EXTL1: variants seen among roughly 807,000 people sequenced by gnomAD.
The protein encoded by EXTL1 is exostosin like glycosyltransferase 1.
EXTL1 carries 43 observed loss-of-function variants against 64.6 expected under a neutral mutation model. That is an observed-to-expected ratio of 0.67 (90% CI 0.52 to 0.86). The LOEUF (loss-of-function observed/expected upper bound fraction) is 0.86, where lower values mean the gene tolerates loss of function less well. Ranked by LOEUF, EXTL1 falls within the 40% of genes least tolerant of loss-of-function variation. The probability of loss-of-function intolerance (pLI) is 0.00; values close to 1 mark genes in which losing one functional copy is unlikely to be tolerated. For missense variants in EXTL1, 766 were observed against 879.0 expected (o/e 0.87, Z 1.62); for synonymous variants, 352 against 360.5 (o/e 0.98, Z 0.27).
intron 1 of EXTL1, among the ~76,000 whole-genome samples, chr1:26,024,897 A>G (rs1431226185): frequency 6.6e-6 from 1 of 152,226 alleles, no homozygotes; most frequent in Non-Finnish European, 1.5e-5. Context: ...TTCTTTGAGA[A>G]ACTGGAAGTT....
chr1:26,027,347 C>T (rs1436386852), intron 1 of EXTL1, among the ~76,000 whole-genome samples: 1 of 152,190 alleles, frequency 6.6e-6, no homozygotes, highest in African/African-American at 2.4e-5. Context: ...GTGCATACCT[C>T]CCCTCCTATC....
Position 26,033,738 on chromosome 1 carries a change from A to G in EXTL1, c.1561A>G (p.Met521Val), listed in dbSNP as rs541966705. 1.2e-5 allele frequency: 20 copies of G among 1,614,116 alleles called. No homozygotes were observed. In the South Asian group the frequency reaches 2.1e-4, roughly 17 times the overall value. ...FLVWQSFPER[M>V]VGFLTSSHFW... ...GGTGTGGCAGAGCTTCCCAGAGCGGATGGTGGGCTTCCTGACGTCGAGCCA... is the reference window on the plus strand; with the variant it reads ...GGTGTGGCAGAGCTTCCCAGAGCGGGTGGTGGGCTTCCTGACGTCGAGCCA... Residue 521 changes from methionine (M) to valine (V), a missense_variant, in exon 9 of 11, where the codon ATG becomes GTG. Transcript: ENST00000374280. The surrounding 1 kb of genome is among the most constrained non-coding windows in gnomAD (Gnocchi z 5.1).
chr1:26,034,795 G>C lies in EXTL1; in HGVS notation c.1680-41G>C, dbSNP rs199737514. ...GGGAGGAGAATGGGGCCTGGGGATG[G>C]ATTTGGCTGCAGCCTCTCCCTGTCT... On this transcript the variant is annotated intron_variant, in intron 9 of 10. Coordinates refer to ENST00000374280, the MANE Select transcript of EXTL1 (RefSeq NM_004455.3). The surrounding 1 kb of genome is among the most constrained non-coding windows in gnomAD (Gnocchi z 4.6). The C allele has an allele frequency of 3.5e-4, 565 of 1,593,810 alleles. No individual in the cohort carries two copies. The highest frequency in any genetic ancestry group is 1.0e-3 in the Middle Eastern group (6 of 5,978).
rs1281576279 is a variant in EXTL1, at chr1:26,033,115, G to A, written c.1432-114G>A. 5 of 753,844 alleles carry A rather than the reference G, an allele frequency of 6.6e-6. No individual in the cohort carries two copies. In the East Asian group the frequency reaches 1.3e-4, roughly 20 times the overall value. The allele number at this position is 753,844 out of a possible 1,614,324, so 46.7% of individuals were successfully genotyped here. Reference sequence around the variant, plus strand: ...CCAGGCGTCTACACTGTGCCTGAAGGGAGGCTTTATTCATGGCTCAGGCGT... The same window carrying A: ...CCAGGCGTCTACACTGTGCCTGAAGAGAGGCTTTATTCATGGCTCAGGCGT... On this transcript the variant is annotated intron_variant, in intron 7 of 10. Coordinates refer to ENST00000374280, the MANE Select transcript of EXTL1 (RefSeq NM_004455.3). This position sits in a 1 kb window ranked among gnomAD's most constrained non-coding sequence, Gnocchi z 5.1.
Position 26,035,589 on chromosome 1 carries a change from T to A in EXTL1, c.*242T>A. The A allele has an allele frequency of 4.5e-6, 2 of 443,454 alleles. No homozygotes were observed. The highest frequency in any genetic ancestry group is 3.7e-5 in the Admixed American group (1 of 27,182). 27.5% of individuals were successfully genotyped at this position (443,454 alleles called of 1,614,324 possible). On this transcript the variant is annotated 3_prime_UTR_variant, in exon 11 of 11. Transcript: ENST00000374280. The surrounding 1 kb of genome is among the most constrained non-coding windows in gnomAD (Gnocchi z 5.3). ...CGCGACCGGAGCGCCGCTCTCCGCT[T>A]CTCCACCCAGCTAACTTCTGCTCGT...
intron 7 of EXTL1, 97 bp downstream of exon 7, chr1:26,032,582 C>T: frequency 1.2e-6 from 1 of 827,544 alleles, no homozygotes; most frequent in Non-Finnish European, 1.9e-6. Context: ...GCCTGAGCCG[C>T]AGTTGGGCCT....
At position 26,034,092 on chromosome 1, in the gene EXTL1, C is replaced by T. The variant is rs2050314883; in HGVS notation, c.1679+236C>T. 1.3e-5 allele frequency among the ~76,000 whole-genome samples: 2 copies of T among 152,176 alleles called. No individual in the cohort carries two copies. The highest frequency in any genetic ancestry group is 2.9e-5 in the Non-Finnish European group (2 of 68,034). On this transcript the variant is annotated intron_variant, in intron 9 of 10. Transcript: ENST00000374280. This position sits in a 1 kb window ranked among gnomAD's most constrained non-coding sequence, Gnocchi z 4.6. ...GCTGGTGTGAACATTAAATGAAGTC[C>T]CTGGCACAGAGGTTCCACAAATGGT...
At chr1:26,026,876 G>A (rs12072473) in intron 1 of EXTL1, among the ~76,000 whole-genome samples, 5,055 of 152,272 alleles carry the variant, frequency 0.033, 220 homozygotes, top group East Asian at 0.13. Context: ...AGATGCACAA[G>A]TTTCCTCTGT....
chr1:26,023,482 C>T (rs2050179615), intron 1 of EXTL1, 57 bp downstream of exon 1: 1 of 1,388,716 alleles, frequency 7.2e-7, no homozygotes, highest in Non-Finnish European at 9.4e-7. Context: ...TAGACGCAAG[C>T]CCAAAAACGA....
intron 5 of EXTL1, 22 bp downstream of exon 5, chr1:26,031,286 A>T: frequency 6.2e-7 from 1 of 1,610,816 alleles, no homozygotes; most frequent in Non-Finnish European, 8.5e-7. Context: ...GGATGGGACA[A>T]CCTGAAGTCC....
Position 26,034,957 on chromosome 1 carries a change from C to G in EXTL1, c.1801C>G (p.Pro601Ala), listed in dbSNP as rs200154148. ...FIVAAVTKLP[P>A]IKVPYGKQRQ... ...AGTAGCAGCAGTCACCAAGCTGCCC[C>G]CTATCAAGGTGCCCTATGGCAAGCA... The change falls in exon 10 of 11, where the codon CCT (proline) becomes GCT (alanine). Residue 601 changes from proline (P) to alanine (A), a missense_variant. Pro to Ala is a conservative substitution (Grantham distance 27, BLOSUM62 -1). This residue lies in a region of EXTL1 where 194 missense variants were observed against 214.5 expected (regional missense o/e 0.90). Transcript: ENST00000374280. The surrounding 1 kb of genome is among the most constrained non-coding windows in gnomAD (Gnocchi z 4.6). 1 of 1,614,202 alleles carries G rather than the reference C, an allele frequency of 6.2e-7. No individual in the cohort carries two copies. Among genetic ancestry groups the G allele is most frequent in the East Asian group, 2.2e-5 (1 of 44,870 alleles).
rs1462053666 is a variant in EXTL1 at position 26,030,539 on chromosome 1, T to C, written c.1045T>C (p.Phe349Leu). 6.2e-7 allele frequency: 1 copy of C among 1,613,784 alleles called. No homozygotes were observed. The highest frequency in any genetic ancestry group is 2.2e-5 in the East Asian group (1 of 44,872). ...CCTCGCCCTGCGTCAGCAGACCCAG[T>C]TTCTATGGGATGCCTACTTCTCCTC... ...RVLALRQQTQ[F>L]LWDAYFSSVE... The change falls in exon 4 of 11, where the codon TTT (phenylalanine) becomes CTT (leucine). Residue 349 changes from phenylalanine to leucine, a missense_variant. By Grantham distance (22) the Phe-to-Leu change is conservative. This residue lies in a region of EXTL1 where 571 missense variants were observed against 647.6 expected (regional missense o/e 0.88). Coordinates refer to ENST00000374280, the MANE Select transcript of EXTL1 (RefSeq NM_004455.3).
rs2050271209 is a variant in EXTL1, at chr1:26,030,538, G to C, written c.1044G>C (p.Gln348His). The C allele has an allele frequency of 6.2e-7, 1 of 1,613,750 alleles. No homozygotes were observed. The highest frequency in any genetic ancestry group is 8.5e-7 in the Non-Finnish European group (1 of 1,179,980). ...ARVLALRQQT[Q>H]FLWDAYFSSV... is the part of the protein sequence containing the mutation. Reference sequence around the variant, plus strand: ...TCCTCGCCCTGCGTCAGCAGACCCAGTTTCTATGGGATGCCTACTTCTCCT... The same window carrying C: ...TCCTCGCCCTGCGTCAGCAGACCCACTTTCTATGGGATGCCTACTTCTCCT... Residue 348 changes from glutamine to histidine, a missense_variant, in exon 4 of 11, where the codon CAG (glutamine) becomes CAC (histidine). Gln to His is a conservative substitution (Grantham distance 24, BLOSUM62 0). Coordinates refer to ENST00000374280, the MANE Select transcript of EXTL1 (RefSeq NM_004455.3).
rs2050204800 is a variant in EXTL1, at chr1:26,025,493, C to T, written c.779+2068C>T. On this transcript the variant is annotated intron_variant, in intron 1 of 10. Transcript: ENST00000374280. The surrounding 1 kb of genome is among the most constrained non-coding windows in gnomAD (Gnocchi z 5.3). ...CAAGGTTCCCTCTTCTCCATGAGCC[C>T]CTCACTTTTCTAATCAGGCGCTTGG... Among the ~76,000 whole-genome samples, 1 of 152,112 alleles carries T rather than the reference C, an allele frequency of 6.6e-6. No homozygotes were observed.
rs879619205 is a variant in EXTL1, at chr1:26,028,646, TCCTCTGGGCCAGGGGA to T, written c.780-537_780-522del. On this transcript the variant is annotated intron_variant, in intron 1 of 10. Coordinates refer to ENST00000374280, the MANE Select transcript of EXTL1 (RefSeq NM_004455.3). The stretch of plus-strand genomic sequence containing the variant: ...AGGTGGGAGGAACAGAGGGAGCCTG[TCCTCTGGGCCAGGGGA>T]CCTCTGGGCAGCAGTTTCCTGTGTG... 8.7e-5 allele frequency among the ~76,000 whole-genome samples: 13 copies of T among 149,090 alleles called. No homozygotes were observed. The Admixed American group carries it at 8.8e-4, about 10-fold the overall frequency.
intron 2 of EXTL1, 99 bp from the exon 3 acceptor site, chr1:26,029,501 C>T (rs1048593433): frequency 1.3e-6 from 1 of 761,778 alleles, no homozygotes; most frequent in Non-Finnish European, 2.2e-6. Flanking sequence ...CCTCTTTGCC[C>T]CTTGCCCCCA....
rs61364586 is a variant in EXTL1 at position 26,027,689 on chromosome 1, T to TAAAAAAAAAAAAAAAAAAAA, written c.780-1485_780-1484insAAAAAAAAAAAAAAAAAAAA. Among the ~76,000 whole-genome samples the TAAAAAAAAAAAAAAAAAAAA allele has an allele frequency of 9.1e-4, 52 of 57,064 alleles. 2 individuals are homozygous for TAAAAAAAAAAAAAAAAAAAA. The highest frequency in any genetic ancestry group is 3.2e-3 in the African/African-American group (48 of 15,102). 37.4% of individuals were successfully genotyped at this position (57,064 alleles called of 152,430 possible). ...GGGCAACACAGAGAGACCCCATCTC[T>TAAAAAAAAAAAAAAAAAAAA]AAAAAAAAAAAAAAAAAAAGCCAGC... On this transcript the variant is annotated intron_variant, in intron 1 of 10. Coordinates refer to ENST00000374280, the MANE Select transcript of EXTL1 (RefSeq NM_004455.3).
chr1:26,033,182 G>A lies in EXTL1; in HGVS notation c.1432-47G>A. 1 of 1,317,530 alleles carries A rather than the reference G, an allele frequency of 7.6e-7. No individual in the cohort carries two copies. The highest frequency in any genetic ancestry group is 1.1e-6 in the Non-Finnish European group (1 of 910,712). 81.6% of individuals were successfully genotyped at this position (1,317,530 alleles called of 1,614,324 possible). A position where few individuals can be genotyped will look rare whatever the true frequency, so the allele number is the denominator to read the frequency against. ...TGGCTCCTACTTATTGGATGGGGGT[G>A]GGGGGAATGTTCCAATGGCTGAGTT... On this transcript the variant is annotated intron_variant, in intron 7 of 10. Transcript: ENST00000374280. This position sits in a 1 kb window ranked among gnomAD's most constrained non-coding sequence, Gnocchi z 5.1.
chr1:26,031,456 C>T lies in EXTL1; in HGVS notation c.1235-4C>T. The T allele has an allele frequency of 6.5e-7, 1 of 1,532,964 alleles. No individual in the cohort carries two copies. 95.0% of individuals were successfully genotyped at this position (1,532,964 alleles called of 1,614,324 possible). A position where few individuals can be genotyped will look rare whatever the true frequency, so the allele number is the denominator to read the frequency against. On this transcript the variant is annotated splice_region_variant and splice_polypyrimidine_tract_variant and intron_variant, in intron 5 of 10. Transcript: ENST00000374280. ...CTCTAATAGCCTGTGTCTCATTCCCCCAGGCTCCCGCCCTGAGGGCAGATT... is the reference window on the plus strand; with the variant it reads ...CTCTAATAGCCTGTGTCTCATTCCCTCAGGCTCCCGCCCTGAGGGCAGATT...
Sources: allele counts gnomAD v4.1 joint callset (sites outside exome capture counted in the v4.1 genomes callset), GRCh38; gene constraint gnomAD v4.1.1; regional missense constraint gnomAD v4.1.1; non-coding constraint Gnocchi (gnomAD v3.1); transcripts MANE v1.5; gene names NCBI Gene and HGNC (gene_info 2026-07-23, HGNC 2026-07-21).